Variants in KDM2A observed in about 807,000 individuals in gnomAD.
The protein encoded by KDM2A is lysine demethylase 2A.
KDM2A carries 3 observed loss-of-function variants against 137.3 expected under a neutral mutation model. The ratio of observed to expected loss-of-function variants is 0.02; its 90% CI spans 0.01 to 0.06. KDM2A has a LOEUF of 0.06. Ranked by LOEUF, KDM2A falls within the 10% of genes least tolerant of loss-of-function variation. The pLI, the probability that KDM2A is intolerant of heterozygous loss-of-function variation, is 1.00. For missense variants in KDM2A, 738 were observed against 1,510.6 expected (o/e 0.49, Z 8.48); for synonymous variants, 512 against 541.5 (o/e 0.95, Z 0.76).
At position 67,201,602 on chromosome 11, in the gene KDM2A, T is replaced by C. The variant is rs1170083236; in HGVS notation, c.308-5908T>C. ...GACCAGTATGGTGAAACCTGGTCTC[T>C]ACTAAACATACAAAAATTAGCCGAG... On this transcript the variant is annotated intron_variant, in intron 5 of 20. Coordinates refer to ENST00000529006, the MANE Select transcript of KDM2A (RefSeq NM_012308.3). Among the ~76,000 whole-genome samples the C allele has an allele frequency of 3.3e-5, 5 of 151,494 alleles. No homozygotes were observed. The East Asian group carries it at 7.8e-4, about 24-fold the overall frequency.
intron 2 of KDM2A, among the ~76,000 whole-genome samples, chr11:67,132,536 C>G (rs1352088897): frequency 2.0e-5 from 3 of 152,176 alleles, no homozygotes; most frequent in Non-Finnish European, 4.4e-5. Context: ...ATCCGCCTGC[C>G]TCGGCCTCCC....
chr11:67,222,741 T>C (rs1157445091), intron 10 of KDM2A, among the ~76,000 whole-genome samples: 1 of 147,766 alleles, frequency 6.8e-6, no homozygotes, highest in Non-Finnish European at 1.5e-5. Flanking sequence ...TTTTAGAATG[T>C]GTTCCCTTTT....
intron 2 of KDM2A, among the ~76,000 whole-genome samples, chr11:67,145,998 GT>G (rs552846225): frequency 2.1e-4 from 26 of 122,234 alleles, no homozygotes; most frequent in South Asian, 2.7e-4. Flanking sequence ...GTTTTTTTTT[GT>G]TTTTTTTTTT....
At chr11:67,167,372 A>G (rs929586069) in intron 2 of KDM2A, among the ~76,000 whole-genome samples, 1 of 152,142 alleles carries the variant, frequency 6.6e-6, no homozygotes, top group Admixed American at 6.5e-5. Context: ...AAGGCAGGCA[A>G]CAGTGATGGG....
chr11:67,137,481 A>G (rs1347688105), intron 2 of KDM2A, among the ~76,000 whole-genome samples: 2 of 152,208 alleles, frequency 1.3e-5, no homozygotes, highest in Non-Finnish European at 2.9e-5. Context: ...TTGAGATTCT[A>G]TGATTGATTC....
chr11:67,151,037 G>A (rs1856373221), intron 2 of KDM2A, among the ~76,000 whole-genome samples: 2 of 152,242 alleles, frequency 1.3e-5, no homozygotes, highest in South Asian at 4.1e-4. Context: ...TTGCTTGGAG[G>A]ATATCATGGT....
At chr11:67,126,707 CAAAAAAAA>C (rs765065960) in intron 2 of KDM2A, among the ~76,000 whole-genome samples, 1 of 75,282 alleles carries the variant, frequency 1.3e-5, no homozygotes, top group African/African-American at 4.0e-5. Flanking sequence ...GACTCCATTT[CAAAAAAAA>C]AAAAAAAAAA....
At position 67,253,530 on chromosome 11, in the gene KDM2A, A is replaced by T; in HGVS notation, c.3010A>T (p.Arg1004Trp). 6.2e-7 allele frequency: 1 copy of T among 1,613,832 alleles called. No individual in the cohort carries two copies. Among genetic ancestry groups the T allele is most frequent in the Non-Finnish European group, 8.5e-7 (1 of 1,179,838 alleles). ...CAGCACCTCCAGCTGCCCCCTTCTCAGGACCCTTGATCTTCGGTGGGCAGT... is the reference window on the plus strand; with the variant it reads ...CAGCACCTCCAGCTGCCCCCTTCTCTGGACCCTTGATCTTCGGTGGGCAGT... ...ALSTSSCPLL[R>W]TLDLRWAVGI... Residue 1004 changes from arginine to tryptophan, a missense_variant, in exon 19 of 21, where the codon AGG becomes TGG. Arg to Trp is a moderately radical substitution (Grantham distance 101). This residue lies in a region of KDM2A where 166 missense variants were observed against 324.0 expected (regional missense o/e 0.51). Transcript: ENST00000529006.
At chr11:67,178,368 G>A (rs1857015208) in intron 2 of KDM2A, among the ~76,000 whole-genome samples, 1 of 152,128 alleles carries the variant, frequency 6.6e-6, no homozygotes, top group African/African-American at 2.4e-5. Flanking sequence ...TGGAGCCACT[G>A]CATTCCAGCC....
In KDM2A at chr11:67,203,790, C is replaced by CT. The variant is rs1034778143; in HGVS notation, c.308-3706dup. 7.3e-3 allele frequency among the ~76,000 whole-genome samples: 1,030 copies of CT among 141,374 alleles called. 4 individuals carry two copies. The highest frequency in any genetic ancestry group is 0.017 in the African/African-American group (645 of 38,816). The allele number at this position is 141,374 out of a possible 152,430, so 92.7% of individuals were successfully genotyped here. On this transcript the variant is annotated intron_variant, in intron 5 of 20. Coordinates refer to ENST00000529006, the MANE Select transcript of KDM2A (RefSeq NM_012308.3). The stretch of plus-strand genomic sequence containing the variant: ...AGAATAAAATGCTTTCCTCTACATT[C>CT]TTTTTTTTTTTTTTCTTTTTTCTTT...
Position 67,250,345 on chromosome 11 carries a change from T to C in KDM2A, c.2315T>C (p.Met772Thr). Residue 772 changes from methionine (M) to threonine (T), a missense_variant, in exon 17 of 21, where the codon ATG becomes ACG. Physicochemically the swap from Met to Thr is moderately conservative, Grantham distance 81 (BLOSUM62 -1). Coordinates refer to ENST00000529006, the MANE Select transcript of KDM2A (RefSeq NM_012308.3). This position sits in a 1 kb window ranked among gnomAD's most constrained non-coding sequence, Gnocchi z 7.1. ...CGGCTGCAGGCCACAGAGCGCACCATGGTACGGGAAAAGGAGAACAATCCC... is the reference window on the plus strand; with the variant it reads ...CGGCTGCAGGCCACAGAGCGCACCACGGTACGGGAAAAGGAGAACAATCCC... ...LLRLQATERT[M>T]VREKENNPSG... 6.2e-7 allele frequency: 1 copy of C among 1,613,900 alleles called. No homozygotes were observed.
At chr11:67,226,818 T>TC in intron 10 of KDM2A, among the ~76,000 whole-genome samples, 1 of 152,288 alleles carries the variant, frequency 6.6e-6, no homozygotes, top group East Asian at 1.9e-4. Context: ...TCTTTTATTT[T>TC]CTAAAAGGGA....
chr11:67,127,200 G>A (rs922427011), intron 2 of KDM2A, among the ~76,000 whole-genome samples: 1 of 152,086 alleles, frequency 6.6e-6, no homozygotes, highest in Non-Finnish European at 1.5e-5. Context: ...TGGCTCAAGT[G>A]GTCCTCCCAT....
At chr11:67,200,480 G>A (rs1464266762) in intron 5 of KDM2A, among the ~76,000 whole-genome samples, 1 of 152,168 alleles carries the variant, frequency 6.6e-6, no homozygotes, top group East Asian at 1.9e-4. Context: ...GCCTCCCAAA[G>A]TGCTGGGATT....
intron 2 of KDM2A, among the ~76,000 whole-genome samples, chr11:67,171,175 T>G (rs1305202711): frequency 6.6e-6 from 1 of 152,194 alleles, no homozygotes. Context: ...CTTTAACATC[T>G]GTTTGATTGA....
chr11:67,174,385 C>G (rs981637651), intron 2 of KDM2A, among the ~76,000 whole-genome samples: 4 of 152,222 alleles, frequency 2.6e-5, no homozygotes, highest in African/African-American at 9.6e-5. Context: ...TTTCCCAACT[C>G]TTACCTGCTT....
chr11:67,152,947 TGTGTG>T, intron 2 of KDM2A, among the ~76,000 whole-genome samples: 1 of 94,764 alleles, frequency 1.1e-5, no homozygotes, highest in South Asian at 3.9e-4. Context: ...TGTGTGTGTG[TGTGTG>T]TTTTCAGGAA....
intron 16 of KDM2A, chr11:67,248,623 T>G: frequency 4.7e-6 from 2 of 421,228 alleles, no homozygotes; most frequent in Non-Finnish European, 4.3e-6. Flanking sequence ...TTTTATACTC[T>G]GGGGCCCTAC....
At chr11:67,239,995 C>A in intron 12 of KDM2A, 1 of 1,232,390 alleles carries the variant, frequency 8.1e-7, no homozygotes, top group Non-Finnish European at 1.0e-6. Flanking sequence ...AACGGCTGGG[C>A]CCTCTGCCTG....
Sources: gnomAD v4.1 joint callset for allele counts (sites outside exome capture counted in the v4.1 genomes callset) on GRCh38, gnomAD v4.1.1 for gene constraint, gnomAD v4.1.1 regional missense constraint, Gnocchi (gnomAD v3.1) non-coding constraint, MANE v1.5 for transcripts, NCBI Gene and HGNC (gene_info 2026-07-23, HGNC 2026-07-21) for gene names.